The following UGGT2 variants were observed in gnomAD, a reference collection of about 807,000 sequenced individuals.
UGGT2 encodes UDP-glucose:glycoprotein glucosyltransferase 2.
UGGT2 carries 180 observed loss-of-function variants against 192.1 expected under a neutral mutation model. The ratio of observed to expected loss-of-function variants is 0.94; its 90% CI spans 0.83 to 1.06. The LOEUF is 1.06. Among genes scored for constraint, UGGT2 ranks in the 50% least tolerant of loss-of-function variants. The probability of loss-of-function intolerance (pLI) is 0.00; values close to 1 mark genes in which losing one functional copy is unlikely to be tolerated. For synonymous variants in UGGT2, 580 were observed against 591.0 expected (o/e 0.98, Z 0.27); for missense variants, 1,849 against 1,795.7 (o/e 1.03, Z -0.54).
chr13:95,828,423 G>T (rs1365656164), intron 38 of UGGT2, among the ~76,000 whole-genome samples: 1 of 152,030 alleles, frequency 6.6e-6, no homozygotes, highest in African/African-American at 2.4e-5. Flanking sequence ...CAGACCGCTA[G>T]CAAGGCTAAT....
chr13:95,912,170 C>T (rs1180513956), intron 20 of UGGT2, among the ~76,000 whole-genome samples: 1 of 152,090 alleles, frequency 6.6e-6, no homozygotes, highest in Non-Finnish European at 1.5e-5. Context: ...CCTTTGAAAA[C>T]GGGCACAAGA....
chr13:95,822,494 T>A (rs930289407), intron 38 of UGGT2, among the ~76,000 whole-genome samples: 4 of 152,084 alleles, frequency 2.6e-5, no homozygotes, highest in African/African-American at 9.7e-5. Context: ...TGAACAGCAC[T>A]AGTTTGACTT....
At chr13:95,984,507 TC>T (rs2051228891) in intron 9 of UGGT2, among the ~76,000 whole-genome samples, 1 of 152,030 alleles carries the variant, frequency 6.6e-6, no homozygotes, top group Admixed American at 6.6e-5. Context: ...TTTTCAATTT[TC>T]TTCTAGAGAT....
At chr13:95,876,747 T>G (rs1045536620) in intron 29 of UGGT2, among the ~76,000 whole-genome samples, 2 of 152,184 alleles carry the variant, frequency 1.3e-5, no homozygotes, top group African/African-American at 2.4e-5. Flanking sequence ...ACCTCGTTCC[T>G]TAGTTTTTAT....
At chr13:96,023,299 G>A in intron 3 of UGGT2, 147 bp from the exon 4 acceptor site, 1 of 616,740 alleles carries the variant, frequency 1.6e-6, no homozygotes, top group Non-Finnish European at 2.4e-6. Context: ...CTATACGTAG[G>A]TAGAATCTAA....
chr13:95,942,341 C>T (rs967350146), intron 15 of UGGT2, among the ~76,000 whole-genome samples: 4 of 151,588 alleles, frequency 2.6e-5, no homozygotes, highest in African/African-American at 9.7e-5. Context: ...TTCAGTGTGG[C>T]TCTGCCAGTT....
chr13:95,812,735 G>A (rs1884642527), intron 38 of UGGT2, among the ~76,000 whole-genome samples: 1 of 151,972 alleles, frequency 6.6e-6, no homozygotes, highest in Non-Finnish European at 1.5e-5. Context: ...TTGTTTAAAA[G>A]TGTGTGGTAT....
chr13:96,008,260 A>G lies in UGGT2; in HGVS notation c.660+5047T>C, dbSNP rs115928698. Reference sequence around the variant, plus strand: ...ACACAGTGAAGAGCCAATCCACAGAATGGGAGAAAATATTTGACAAATACC... The same window carrying G: ...ACACAGTGAAGAGCCAATCCACAGAGTGGGAGAAAATATTTGACAAATACC... On this transcript the variant is annotated intron_variant, in intron 5 of 38. Transcript: ENST00000376747. 5.1e-3 allele frequency among the ~76,000 whole-genome samples: 778 copies of G among 152,328 alleles called. 11 individuals carry two copies. The highest frequency in any genetic ancestry group is 0.018 in the African/African-American group (748 of 41,564).
intron 4 of UGGT2, among the ~76,000 whole-genome samples, chr13:96,019,133 G>T (rs948167045): frequency 8.0e-6 from 1 of 124,926 alleles, no homozygotes; most frequent in Admixed American, 7.9e-5. Context: ...GGGGGGGGGG[G>T]GGGGGAATGT....
chr13:96,026,882 A>G (rs1488518206), intron 2 of UGGT2, among the ~76,000 whole-genome samples: 2 of 151,974 alleles, frequency 1.3e-5, no homozygotes, highest in African/African-American at 4.8e-5. Flanking sequence ...CTTGTTAGCC[A>G]GGATGGTCTC....
At chr13:95,998,121 A>T (rs1236700712) in intron 6 of UGGT2, among the ~76,000 whole-genome samples, 1 of 152,188 alleles carries the variant, frequency 6.6e-6, no homozygotes, top group Non-Finnish European at 1.5e-5. Flanking sequence ...ATACATGTAT[A>T]CAGAGAAAAA....
At chr13:95,845,836 G>T (rs1226601377) in intron 36 of UGGT2, among the ~76,000 whole-genome samples, 1 of 150,746 alleles carries the variant, frequency 6.6e-6, no homozygotes, top group African/African-American at 2.4e-5. Context: ...GGGGTGGCGG[G>T]GCAGAGGCGC....
chr13:95,903,288 T>C (rs1024325702), intron 20 of UGGT2, among the ~76,000 whole-genome samples: 6 of 152,140 alleles, frequency 3.9e-5, no homozygotes, highest in Non-Finnish European at 7.4e-5. Context: ...ATTTGTAATG[T>C]AACATTATAT....
chr13:95,941,443 G>A (rs1323763128), intron 15 of UGGT2, among the ~76,000 whole-genome samples: 1 of 152,032 alleles, frequency 6.6e-6, no homozygotes, highest in Non-Finnish European at 1.5e-5. Flanking sequence ...CAATTTAGGG[G>A]CAACTTTTCT....
In UGGT2 at chr13:95,948,102, A is replaced by G. The variant is rs375276744; in HGVS notation, c.1456-21T>C. On this transcript the variant is annotated intron_variant, in intron 13 of 38. Transcript: ENST00000376747. ...AGAACCTAAAAGAAAGATAGTATAT[A>G]TCACTATTTCAACACCTTAGAATCT... 49 of 1,587,850 alleles carry G rather than the reference A, an allele frequency of 3.1e-5. No homozygotes were observed. In the African/African-American group the frequency reaches 6.2e-4, roughly 20 times the overall value.
intron 37 of UGGT2, among the ~76,000 whole-genome samples, chr13:95,833,505 T>G (rs1886950903): frequency 6.6e-6 from 1 of 152,202 alleles, no homozygotes; most frequent in Non-Finnish European, 1.5e-5. Flanking sequence ...GTGTGTAGGG[T>G]GTGTAGCTTA....
intron 1 of UGGT2, among the ~76,000 whole-genome samples, chr13:96,037,617 C>CTG (rs1005416874): frequency 1.6e-4 from 25 of 152,084 alleles, no homozygotes; most frequent in African/African-American, 2.9e-4. Context: ...TGAAAAATAT[C>CTG]TGTGTGTGTG....
chr13:95,846,351 T>C (rs564305520), intron 36 of UGGT2, among the ~76,000 whole-genome samples: 5 of 151,632 alleles, frequency 3.3e-5, no homozygotes, highest in African/African-American at 9.7e-5. Context: ...CGCAGGGAAG[T>C]TGCAGTGAGC....
rs2048082954 is a variant in UGGT2 at position 95,900,793 on chromosome 13, C to A, written c.2634+14G>T. The A allele has an allele frequency of 6.2e-7, 1 of 1,601,002 alleles. No homozygotes were observed. The highest frequency in any genetic ancestry group is 2.2e-5 in the East Asian group (1 of 44,464). The stretch of plus-strand genomic sequence containing the variant: ...TGTCACTGAGAAAAGAGAGCAATAG[C>A]TTTTTCTACTTACTCTCCCATTGCT... On this transcript the variant is annotated intron_variant, in intron 22 of 38. Transcript: ENST00000376747.
Sources: allele counts gnomAD v4.1 joint callset (sites outside exome capture counted in the v4.1 genomes callset), GRCh38; gene constraint gnomAD v4.1.1; transcripts MANE v1.5; gene names NCBI Gene and HGNC (gene_info 2026-07-23, HGNC 2026-07-21).